The following AHDC1 variants were observed in gnomAD, a reference collection of about 807,000 sequenced individuals.
AHDC1 encodes the protein AT-hook DNA binding motif containing 1.
In AHDC1, 7 loss-of-function variants were observed where a neutral mutation model predicts 87.9. The observed-to-expected ratio is 0.08, with a 90% confidence interval of 0.05 to 0.15. AHDC1 has a LOEUF of 0.15. AHDC1 is among the 10% of genes least tolerant of loss of function. AHDC1 has a pLI of 1.00. For synonymous variants in AHDC1, 1,051 were observed against 1,006.8 expected, an observed-to-expected ratio of 1.04 and a Z score of -0.83; for missense variants, 1,841 against 2,253.2, an observed-to-expected ratio of 0.82 and a Z score of 3.70.
At position 27,542,475 on chromosome 1, in the gene AHDC1, C is replaced by G. The variant is rs565253478; in HGVS notation, c.*43+4786G>C. ...GTTGGAGGTGTGTGACTCACACAGGCTGGTCAGAGGCCCCGGAGTTCAGCC... is the reference window on the plus strand; with the variant it reads ...GTTGGAGGTGTGTGACTCACACAGGGTGGTCAGAGGCCCCGGAGTTCAGCC... On this transcript the variant is annotated intron_variant, in intron 8 of 8. Transcript: ENST00000673934. Among the ~76,000 whole-genome samples, 4 of 152,378 alleles carry G rather than the reference C, an allele frequency of 2.6e-5. No homozygotes were observed. In the East Asian group the frequency reaches 7.7e-4, roughly 29 times the overall value.
intron 3 of AHDC1, among the ~76,000 whole-genome samples, chr1:27,599,918 C>T (rs1395177455): frequency 6.6e-6 from 1 of 151,970 alleles, no homozygotes; most frequent in East Asian, 1.9e-4. Context: ...ACCTGTCCTC[C>T]TCCCTCTTCC....
Position 27,550,232 on chromosome 1 carries a change from G to A in AHDC1, c.1884C>T (p.Cys628=), listed in dbSNP as rs781420163. The A allele has an allele frequency of 7.4e-6, 12 of 1,613,646 alleles. No individual in the cohort carries two copies. Among genetic ancestry groups the A allele is most frequent in the East Asian group, 4.5e-5 (2 of 44,900 alleles). Residue 628 remains cysteine (C), a synonymous_variant, in exon 8 of 9, where the codon TGC becomes TGT. Transcript: ENST00000673934. ...AGCGGGGCGGTGAGCACCGTCCAGCGCACTGGCTCTGGCGGTTCAGGAAGG... is the reference window on the plus strand; with the variant it reads ...AGCGGGGCGGTGAGCACCGTCCAGCACACTGGCTCTGGCGGTTCAGGAAGG... ...KLAFLNRQSQ[C]AGRCSPPRCW... is the part of the protein sequence containing the mutation.
intron 3 of AHDC1, among the ~76,000 whole-genome samples, chr1:27,569,448 C>A (rs1017994910): frequency 2.0e-5 from 3 of 152,126 alleles, no homozygotes; most frequent in Admixed American, 1.3e-4. Flanking sequence ...ATCTCAGCCT[C>A]CCATCACACC....
Position 27,598,894 on chromosome 1 carries a change from C to G in AHDC1, c.-629+4503G>C, listed in dbSNP as rs1186400098. On this transcript the variant is annotated intron_variant, in intron 3 of 8. Transcript: ENST00000673934. This position sits in a 1 kb window ranked among gnomAD's most constrained non-coding sequence, Gnocchi z 4.2. ...CTTGCACTGGTGACAGCGCCCCCGT[C>G]ACAAAGCCAGCAGCTTCAGACAGCA... Among the ~76,000 whole-genome samples the G allele has an allele frequency of 6.6e-6, 1 of 152,180 alleles. No homozygotes were observed. Among genetic ancestry groups the G allele is most frequent in the Non-Finnish European group, 1.5e-5 (1 of 68,038 alleles).
chr1:27,540,870 A>G (rs1347903208), intron 8 of AHDC1, among the ~76,000 whole-genome samples: 1 of 152,018 alleles, frequency 6.6e-6, no homozygotes. Context: ...TTTATAGGCA[A>G]GGAAGGAGGC....
chr1:27,557,631 T>C (rs948900395), intron 5 of AHDC1, among the ~76,000 whole-genome samples: 2 of 152,176 alleles, frequency 1.3e-5, no homozygotes, highest in Admixed American at 1.3e-4. Flanking sequence ...ACTTAGCCAG[T>C]GTACACACAG....
chr1:27,600,094 G>C (rs538660947), intron 3 of AHDC1, among the ~76,000 whole-genome samples: 2 of 151,840 alleles, frequency 1.3e-5, no homozygotes, highest in Non-Finnish European at 2.9e-5. Flanking sequence ...AGATTTTCTT[G>C]CCTGTTTTCT....
rs1329947329 is a variant in AHDC1 at position 27,593,875 on chromosome 1, G to A, written c.-629+9522C>T. ...CTTGCTGGGCTGGGACACAGGCGAT[G>A]TCTTGGGGACCCTTCCCACAGCACT... On this transcript the variant is annotated intron_variant, in intron 3 of 8. Transcript: ENST00000673934. This position sits in a 1 kb window ranked among gnomAD's most constrained non-coding sequence, Gnocchi z 4.9. 6.6e-6 allele frequency among the ~76,000 whole-genome samples: 1 copy of A among 152,232 alleles called. No homozygotes were observed. The highest frequency in any genetic ancestry group is 1.5e-5 in the Non-Finnish European group (1 of 68,040).
intron 8 of AHDC1, among the ~76,000 whole-genome samples, chr1:27,543,289 T>G (rs1319152913): frequency 1.3e-5 from 2 of 152,204 alleles, no homozygotes; most frequent in East Asian, 3.9e-4. Flanking sequence ...GGGTCGATCT[T>G]TAGCCCACAG....
At position 27,598,774 on chromosome 1, in the gene AHDC1, A is replaced by C. The variant is rs1324205503; in HGVS notation, c.-629+4623T>G. ...TCCTGAATCTAGCACCTCACACACAAATATATACAGTGCATCCCAGTGCTC... is the reference window on the plus strand; with the variant it reads ...TCCTGAATCTAGCACCTCACACACACATATATACAGTGCATCCCAGTGCTC... On this transcript the variant is annotated intron_variant, in intron 3 of 8. Transcript: ENST00000673934. This position sits in a 1 kb window ranked among gnomAD's most constrained non-coding sequence, Gnocchi z 4.2. 2.6e-5 allele frequency among the ~76,000 whole-genome samples: 4 copies of C among 152,044 alleles called. No homozygotes were observed. Among genetic ancestry groups the C allele is most frequent in the South Asian group, 2.1e-4 (1 of 4,824 alleles).
rs1272745221 is a variant in AHDC1, at chr1:27,550,247, G to A, written c.1869C>T (p.Asn623=). ...SDVLAKLAFL[N]RQSQCAGRCS... is the part of the protein sequence containing the mutation. ...ACCGTCCAGCGCACTGGCTCTGGCG[G>A]TTCAGGAAGGCCAGCTTGGCCAGGA... is the stretch of plus-strand genomic sequence containing the variant. The change falls in exon 8 of 9, where the codon AAC becomes AAT. Residue 623 remains asparagine (N), a synonymous_variant. Coordinates refer to ENST00000673934, the MANE Select transcript of AHDC1 (RefSeq NM_001371928.1). The A allele has an allele frequency of 6.2e-7, 1 of 1,613,880 alleles. No homozygotes were observed. The highest frequency in any genetic ancestry group is 1.1e-5 in the South Asian group (1 of 91,090).
intron 3 of AHDC1, among the ~76,000 whole-genome samples, chr1:27,600,463 A>C (rs1279456711): frequency 1.5e-5 from 2 of 132,994 alleles, no homozygotes; most frequent in Non-Finnish European, 3.2e-5. Context: ...TCTACAAACC[A>C]AAAAAAAAAA....
rs770315969 is a variant in AHDC1 at position 27,548,326 on chromosome 1, G to A, written c.3790C>T (p.Arg1264Trp). Residue 1264 changes from arginine to tryptophan, a missense_variant, in exon 8 of 9, where the codon CGG (arginine) becomes TGG (tryptophan). Physicochemically the swap from Arg to Trp is moderately radical, Grantham distance 101. Coordinates refer to ENST00000673934, the MANE Select transcript of AHDC1 (RefSeq NM_001371928.1). ...CGCGGCTGCCGGGGCCCAGTGCTCCGTTTGGATGGGTAGCCTGAGGCAGCG... is the reference window on the plus strand; with the variant it reads ...CGCGGCTGCCGGGGCCCAGTGCTCCATTTGGATGGGTAGCCTGAGGCAGCG... ...SAAASGYPSK[R>W]STGPRQPRGG... 7.5e-6 allele frequency: 12 copies of A among 1,606,818 alleles called. No homozygotes were observed. The highest frequency in any genetic ancestry group is 1.3e-5 in the African/African-American group (1 of 74,972).
rs762208337 is a variant in AHDC1, at chr1:27,547,755, G to C, written c.4361C>G (p.Pro1454Arg). Residue 1454 changes from proline (P) to arginine (R), a missense_variant, in exon 8 of 9, where the codon CCC becomes CGC. By Grantham distance (103) the Pro-to-Arg change is moderately radical. Around this residue, in one of 13 missense-constraint regions of AHDC1, gnomAD observed 505 missense variants for 626.2 expected, o/e 0.81. Transcript: ENST00000673934. This position sits in a 1 kb window ranked among gnomAD's most constrained non-coding sequence, Gnocchi z 4.9. ...CTTGCAGCTGGGGGAATCGTAGTGG[G>C]GCTGGCCCAGCGGCAGGTCCCGGCA... ...LSCRDLPLGQPHYDSPSCKGT... is the reference protein window; with the variant it reads ...LSCRDLPLGQRHYDSPSCKGT... The C allele has an allele frequency of 8.2e-6, 13 of 1,590,824 alleles. No individual in the cohort carries two copies. Among genetic ancestry groups the C allele is most frequent in the Non-Finnish European group, 8.6e-7 (1 of 1,166,826 alleles).
chr1:27,549,662 G>A lies in AHDC1; in HGVS notation c.2454C>T (p.Ser818=), dbSNP rs751634705. The change falls in exon 8 of 9, where the codon AGC becomes AGT. Residue 818 remains serine, a synonymous_variant. Transcript: ENST00000673934. The part of the protein sequence containing the change: ...SGASGRGSYY[S]TGAPSGQTEL... Reference sequence around the variant, plus strand: ...CGGTCTGGCCTGAGGGTGCACCCGTGCTGTAGTAGCTGCCACGGCCTGAGG... The same window carrying A: ...CGGTCTGGCCTGAGGGTGCACCCGTACTGTAGTAGCTGCCACGGCCTGAGG... 7.3e-5 allele frequency: 117 copies of A among 1,612,996 alleles called. No homozygotes were observed. The highest frequency in any genetic ancestry group is 9.6e-5 in the Non-Finnish European group (113 of 1,180,024).
chr1:27,571,801 G>A (rs2088528720), intron 3 of AHDC1, among the ~76,000 whole-genome samples: 2 of 152,164 alleles, frequency 1.3e-5, no homozygotes, highest in Non-Finnish European at 2.9e-5. Context: ...GGTTTGCAGG[G>A]AGCGGGGTAA....
rs1050779294 is a variant in AHDC1 at position 27,574,999 on chromosome 1, C to T, written c.-628-16116G>A. On this transcript the variant is annotated intron_variant, in intron 3 of 8. Transcript: ENST00000673934. ...AAAATTATCCAGGATTTTCCCAGCA[C>T]ATCTGCCCCCACATCGGCTCCGCAG... Among the ~76,000 whole-genome samples the T allele has an allele frequency of 7.9e-5, 12 of 152,242 alleles. 1 individual carries two copies. Among genetic ancestry groups the T allele is most frequent in the Admixed American group, 7.2e-4 (11 of 15,286 alleles).
Position 27,551,453 on chromosome 1 carries a change from C to T in AHDC1, c.663G>A (p.Ala221=), listed in dbSNP as rs374761177. The T allele has an allele frequency of 2.7e-5, 44 of 1,611,770 alleles. No individual in the cohort carries two copies. Among genetic ancestry groups the T allele is most frequent in the Admixed American group, 1.2e-4 (7 of 59,974 alleles). The stretch of plus-strand genomic sequence containing the variant: ...CAGGCTCTGGGGGCAGACCCGTGGC[C>T]GCAGCCGTGGCTCCGGGACTATGGC... The part of the protein sequence containing the change: ...GQGHSPGATA[A]ATGLPPEPEP... Residue 221 remains alanine (A), a synonymous_variant, in exon 8 of 9, where the codon GCG becomes GCA. Coordinates refer to ENST00000673934, the MANE Select transcript of AHDC1 (RefSeq NM_001371928.1).
chr1:27,551,971 CAGGTGGG>C lies in AHDC1; in HGVS notation c.138_144del (p.Ser46ArgfsTer69). On this transcript the variant is annotated frameshift_variant, in exon 8 of 9. Transcript: ENST00000673934. LOFTEE classifies it high-confidence loss of function. ...AAGGCGTGGGTGGAGAAGGCCTTGT[CAGGTGGG>C]CTGGCAGGGGGCCGGGTGGGAAGCA... 1.0e-6 allele frequency: 1 copy of C among 982,110 alleles called. No homozygotes were observed. The highest frequency in any genetic ancestry group is 1.2e-6 in the Non-Finnish European group (1 of 828,250). 60.8% of individuals were successfully genotyped at this position (982,110 alleles called of 1,614,324 possible).
Sources: gnomAD v4.1 joint callset for allele counts (sites outside exome capture counted in the v4.1 genomes callset) on GRCh38, gnomAD v4.1.1 for gene constraint, gnomAD v4.1.1 regional missense constraint, Gnocchi (gnomAD v3.1) non-coding constraint, MANE v1.5 for transcripts, NCBI Gene and HGNC (gene_info 2026-07-23, HGNC 2026-07-21) for gene names.